Variants in INSC observed in about 807,000 individuals in gnomAD.
The protein encoded by INSC is protein inscuteable homolog.
INSC carries 67 observed loss-of-function variants against 58.6 expected under a neutral mutation model. The ratio of observed to expected loss-of-function variants is 1.14; its 90% confidence interval spans 0.94 to 1.40. The LOEUF is 1.40. INSC is among the 40% of genes most tolerant of loss of function. The pLI is 0.00. For synonymous variants in INSC, 262 were observed against 276.1 expected, an observed-to-expected ratio of 0.95 and a Z score of 0.51; for missense variants, 714 against 692.0, an observed-to-expected ratio of 1.03 and a Z score of -0.36.
intron 1 of INSC, among the ~76,000 whole-genome samples, chr11:15,137,566 C>A (rs1159493148): frequency 2.0e-5 from 3 of 152,226 alleles, no homozygotes; most frequent in Non-Finnish European, 2.9e-5. Flanking sequence ...TCACCTTGAA[C>A]TTGTATATTA....
intron 9 of INSC, among the ~76,000 whole-genome samples, chr11:15,226,547 GT>G (rs1851646812): frequency 3.9e-5 from 6 of 152,204 alleles, no homozygotes; most frequent in African/African-American, 1.2e-4. Context: ...AGGAGTGGGG[GT>G]GGTAGATTAG....
chr11:15,247,250 G>A (rs1397814400), downstream of INSC: 3 of 152,112 alleles, frequency 2.0e-5, no homozygotes, highest in East Asian at 5.8e-4. Flanking sequence ...CAAGTCCTGG[G>A]CTAAGCATCT....
At chr11:15,252,458 C>T in the INSC span, among the ~76,000 whole-genome samples, 2 of 152,334 alleles carry the variant, frequency 1.3e-5, no homozygotes, top group East Asian at 1.9e-4. Flanking sequence ...GGAGGATCTG[C>T]TTTCAAGGTT....
At chr11:15,218,522 T>A (rs1051780172) in intron 7 of INSC, among the ~76,000 whole-genome samples, 7 of 152,100 alleles carry the variant, frequency 4.6e-5, no homozygotes, top group Non-Finnish European at 7.3e-5. Flanking sequence ...CATACAGGTG[T>A]TCATTTTATT....
intron 2 of INSC, among the ~76,000 whole-genome samples, chr11:15,159,027 G>A (rs915936722): frequency 2.0e-5 from 3 of 152,158 alleles, no homozygotes; most frequent in Non-Finnish European, 4.4e-5. Context: ...GCCCCAGTGT[G>A]CACTGGCTGT....
At chr11:15,175,544 T>G (rs891916042) in intron 2 of INSC, among the ~76,000 whole-genome samples, 197 bp from the exon 3 acceptor site, 1 of 152,188 alleles carries the variant, frequency 6.6e-6, no homozygotes, top group African/African-American at 2.4e-5. Context: ...TCATCTGCCC[T>G]TAAAACTTTA....
At chr11:15,222,938 G>A (rs1189849741) in intron 8 of INSC, among the ~76,000 whole-genome samples, 1 of 152,164 alleles carries the variant, frequency 6.6e-6, no homozygotes, top group Non-Finnish European at 1.5e-5. Flanking sequence ...AGCCTAGAGG[G>A]GTTAAGTTAC....
At chr11:15,235,462 C>T (rs539456320) in intron 9 of INSC, 140 bp from the exon 10 acceptor site, 162 of 721,118 alleles carry the variant, frequency 2.2e-4, no homozygotes, top group African/African-American at 1.7e-3. Context: ...AAGAAAATGC[C>T]GTGGAAGGAT....
intron 5 of INSC, among the ~76,000 whole-genome samples, chr11:15,180,316 G>GTGT (rs533928630): frequency 1.2e-3 from 185 of 152,110 alleles, no homozygotes; most frequent in African/African-American, 3.9e-3. Flanking sequence ...TGAAAAAGAG[G>GTGT]TGTTAAACTG....
chr11:15,133,657 A>T (rs112475721), intron 1 of INSC, among the ~76,000 whole-genome samples: 9 of 152,306 alleles, frequency 5.9e-5, no homozygotes, highest in African/African-American at 2.2e-4. Context: ...CCCTGTACAC[A>T]TAGGAAACAG....
At chr11:15,172,169 T>C (rs1849423267) in intron 2 of INSC, among the ~76,000 whole-genome samples, 1 of 152,248 alleles carries the variant, frequency 6.6e-6, no homozygotes, top group Non-Finnish European at 1.5e-5. Context: ...ATGCAGTGAA[T>C]GAGTCAGTGT....
chr11:15,216,610 T>C (rs1851228472), intron 7 of INSC, among the ~76,000 whole-genome samples: 2 of 152,220 alleles, frequency 1.3e-5, no homozygotes, highest in African/African-American at 2.4e-5. Flanking sequence ...CAATTATTCA[T>C]TGCATTGTTC....
At chr11:15,123,241 T>A (rs1847916439) in intron 1 of INSC, among the ~76,000 whole-genome samples, 2 of 152,252 alleles carry the variant, frequency 1.3e-5, no homozygotes, top group Admixed American at 1.3e-4. Flanking sequence ...AACATGTGCC[T>A]CCTTCAAGCC....
chr11:15,113,894 A>G (rs1226939595), upstream of INSC, among the ~76,000 whole-genome samples: 1 of 152,150 alleles, frequency 6.6e-6, no homozygotes, highest in East Asian at 1.9e-4. Flanking sequence ...TCGTTTTGTC[A>G]TGGGGACTGA....
intron 2 of INSC, among the ~76,000 whole-genome samples, chr11:15,172,724 G>A (rs1337382015): frequency 6.6e-6 from 1 of 152,242 alleles, no homozygotes; most frequent in African/African-American, 2.4e-5. Flanking sequence ...GTGAAAGAGA[G>A]TGGTATGTTC....
At chr11:15,139,468 A>G (rs1056030666) in intron 1 of INSC, among the ~76,000 whole-genome samples, 5 of 152,230 alleles carry the variant, frequency 3.3e-5, no homozygotes, top group East Asian at 1.9e-4. Flanking sequence ...AAAAGTTAGA[A>G]TAAGAAGCAG....
At chr11:15,224,000 T>C (rs539644135) in intron 8 of INSC, among the ~76,000 whole-genome samples, 25 of 152,310 alleles carry the variant, frequency 1.6e-4, no homozygotes, top group African/African-American at 5.8e-4. Context: ...CAACTTGTAA[T>C]GTAGAAAGAA....
intron 2 of INSC, among the ~76,000 whole-genome samples, chr11:15,150,454 A>G (rs1848614273): frequency 6.6e-6 from 1 of 152,230 alleles, no homozygotes; most frequent in Non-Finnish European, 1.5e-5. Flanking sequence ...GTTCCACTGA[A>G]ACTGAATTTC....
intron 5 of INSC, among the ~76,000 whole-genome samples, chr11:15,186,572 A>G (rs920243885): frequency 2.0e-5 from 3 of 152,164 alleles, no homozygotes; most frequent in Non-Finnish European, 4.4e-5. Flanking sequence ...ATCCACATTT[A>G]TGTTCCTAAA....
Sources: allele counts gnomAD v4.1 joint callset (sites outside exome capture counted in the v4.1 genomes callset), GRCh38; gene constraint gnomAD v4.1.1; transcripts MANE v1.5; gene names NCBI Gene and HGNC (gene_info 2026-07-23, HGNC 2026-07-21).